ZNF804A: variants seen among roughly 807,000 people sequenced by gnomAD.
ZNF804A encodes zinc finger protein 804A.
Under a neutral mutation model 16.5 loss-of-function variants are expected in ZNF804A, and 2 were observed. The ratio of observed to expected loss-of-function variants is 0.12; its 90% CI spans 0.05 to 0.38. The LOEUF is 0.38. ZNF804A is among the 10% of genes least tolerant of loss of function. The probability of loss-of-function intolerance (pLI) is 0.99; values close to 1 mark genes in which losing one functional copy is unlikely to be tolerated. For synonymous variants in ZNF804A, 534 were observed against 489.6 expected (o/e 1.09, Z -1.20); for missense variants, 1,473 against 1,390.7 (o/e 1.06, Z -0.94).
In ZNF804A at chr2:184,866,326, G is replaced by A. The variant is rs775977718; in HGVS notation, c.112-43G>A. 1.8e-5 allele frequency: 29 copies of A among 1,600,722 alleles called. No individual in the cohort carries two copies. The East Asian group carries it at 6.3e-4, about 35-fold the overall frequency. On this transcript the variant is annotated intron_variant, in intron 1 of 3. Transcript: ENST00000302277. Reference sequence around the variant, plus strand: ...CAACTGCTAAAACAAAGTAAACACAGGGGAGAGCTAATTGTATCCTTCCTT... The same window carrying A: ...CAACTGCTAAAACAAAGTAAACACAAGGGAGAGCTAATTGTATCCTTCCTT...
chr2:184,605,789 A>G (rs946296992), intron 1 of ZNF804A, among the ~76,000 whole-genome samples: 1 of 152,144 alleles, frequency 6.6e-6, no homozygotes, highest in Non-Finnish European at 1.5e-5. Flanking sequence ...GGATATGCAG[A>G]GATAACTGTG....
intron 1 of ZNF804A, among the ~76,000 whole-genome samples, chr2:184,721,574 C>A (rs553689253): frequency 1.1e-3 from 165 of 151,898 alleles, no homozygotes; most frequent in African/African-American, 3.7e-3. Flanking sequence ...ATTAAAGCTA[C>A]AAAAAAATAA....
intron 1 of ZNF804A, among the ~76,000 whole-genome samples, chr2:184,666,714 A>T (rs1451293207): frequency 1.3e-5 from 2 of 152,008 alleles, no homozygotes; most frequent in Admixed American, 1.3e-4. Context: ...GAGGCAAGGG[A>T]GGCAAATTAA....
intron 1 of ZNF804A, among the ~76,000 whole-genome samples, chr2:184,814,748 A>G (rs539569634): frequency 1.2e-4 from 18 of 152,146 alleles, no homozygotes; most frequent in African/African-American, 4.3e-4. Context: ...ATCTTTTTAA[A>G]ACGTGGGGAC....
At chr2:184,731,892 A>T (rs370080938) in intron 1 of ZNF804A, among the ~76,000 whole-genome samples, 131 of 152,016 alleles carry the variant, frequency 8.6e-4, no homozygotes, top group African/African-American at 3.0e-3. Context: ...CCATTTCTTA[A>T]TTGGGTCGTT....
At chr2:184,811,585 C>T (rs1020273052) in intron 1 of ZNF804A, among the ~76,000 whole-genome samples, 2 of 152,098 alleles carry the variant, frequency 1.3e-5, no homozygotes, top group Non-Finnish European at 2.9e-5. Flanking sequence ...TGGTGTTGCA[C>T]ACCTACAGTT....
At chr2:184,754,481 T>G (rs549346300) in intron 1 of ZNF804A, among the ~76,000 whole-genome samples, 1 of 152,060 alleles carries the variant, frequency 6.6e-6, no homozygotes, top group South Asian at 2.1e-4. Context: ...TATGTGCTAT[T>G]CATGAGCACA....
intron 1 of ZNF804A, among the ~76,000 whole-genome samples, chr2:184,631,912 G>A (rs1167815099): frequency 7.2e-5 from 11 of 152,132 alleles, no homozygotes; most frequent in Admixed American, 7.2e-4. Context: ...TGAATATGAA[G>A]TTGGGGATCA....
chr2:184,724,433 A>C (rs551958621), intron 1 of ZNF804A, among the ~76,000 whole-genome samples: 1 of 151,176 alleles, frequency 6.6e-6, no homozygotes, highest in Non-Finnish European at 1.5e-5. Context: ...CATGGATGTG[A>C]TATGATTATC....
At chr2:184,844,178 C>A (rs1310184425) in intron 1 of ZNF804A, among the ~76,000 whole-genome samples, 2 of 151,432 alleles carry the variant, frequency 1.3e-5, no homozygotes, top group Non-Finnish European at 3.0e-5. Context: ...AATTATACCC[C>A]CCCCCATTTC....
chr2:184,862,293 A>C (rs538425390), intron 1 of ZNF804A, among the ~76,000 whole-genome samples: 3 of 152,348 alleles, frequency 2.0e-5, no homozygotes, highest in Admixed American at 1.3e-4. Flanking sequence ...CAGCCTAACT[A>C]GGACTGATTT....
intron 1 of ZNF804A, among the ~76,000 whole-genome samples, chr2:184,752,624 A>T (rs77679561): frequency 0.015 from 2,215 of 151,712 alleles, 61 homozygotes; most frequent in African/African-American, 0.05. Context: ...CCTGAATTTA[A>T]AATAAAACGT....
intron 1 of ZNF804A, among the ~76,000 whole-genome samples, chr2:184,650,060 G>A (rs549686006): frequency 9.9e-5 from 15 of 151,988 alleles, no homozygotes; most frequent in African/African-American, 1.7e-4. Context: ...ACAAATCCTC[G>A]AGAAAATACT....
intron 2 of ZNF804A, among the ~76,000 whole-genome samples, chr2:184,930,810 G>C (rs1457633050): frequency 6.6e-6 from 1 of 152,198 alleles, no homozygotes; most frequent in African/African-American, 2.4e-5. Context: ...AAGTGCATAT[G>C]TATATGGTAT....
At chr2:184,780,678 G>A (rs938691983) in intron 1 of ZNF804A, among the ~76,000 whole-genome samples, 12 of 151,750 alleles carry the variant, frequency 7.9e-5, no homozygotes, top group Non-Finnish European at 1.5e-4. Context: ...GAAGTGAAAC[G>A]AAGAAAAGCT....
chr2:184,879,337 C>T (rs1327899034), intron 2 of ZNF804A, among the ~76,000 whole-genome samples: 1 of 151,954 alleles, frequency 6.6e-6, no homozygotes, highest in Non-Finnish European at 1.5e-5. Flanking sequence ...TTATTATGGT[C>T]ACACTGTAGG....
chr2:184,619,707 T>C (rs1691387369), intron 1 of ZNF804A, among the ~76,000 whole-genome samples: 1 of 151,990 alleles, frequency 6.6e-6, no homozygotes, highest in South Asian at 2.1e-4. Flanking sequence ...TACATGCTTA[T>C]GAGTGGTTCA....
At chr2:184,849,109 A>G (rs899230243) in intron 1 of ZNF804A, among the ~76,000 whole-genome samples, 1 of 152,076 alleles carries the variant, frequency 6.6e-6, no homozygotes, top group African/African-American at 2.4e-5. Context: ...TTAGAAATGT[A>G]TCTTCAAAAT....
chr2:184,939,134 C>A lies in ZNF804A; in HGVS notation c.*108C>A, dbSNP rs185740197. ...ATTTAACTGGTGGAAATAAACTGGCCGATACATGGCGTCATTGGTTTGAAA... is the reference window on the plus strand; with the variant it reads ...ATTTAACTGGTGGAAATAAACTGGCAGATACATGGCGTCATTGGTTTGAAA... On this transcript the variant is annotated 3_prime_UTR_variant, in exon 4 of 4. Transcript: ENST00000302277. 3 of 1,350,484 alleles carry A rather than the reference C, an allele frequency of 2.2e-6. No homozygotes were observed. The highest frequency in any genetic ancestry group is 3.0e-6 in the Non-Finnish European group (3 of 992,486). The allele number at this position is 1,350,484 out of a possible 1,614,324, so 83.7% of individuals were successfully genotyped here. A position where few individuals can be genotyped will look rare whatever the true frequency, so the allele number is the denominator to read the frequency against.
Sources: gnomAD v4.1 joint callset for allele counts (sites outside exome capture counted in the v4.1 genomes callset) on GRCh38, gnomAD v4.1.1 for gene constraint, MANE v1.5 for transcripts, NCBI Gene and HGNC (gene_info 2026-07-23, HGNC 2026-07-21) for gene names.